The following TBL1X variants were observed in gnomAD, a reference collection of about 807,000 sequenced individuals.
The protein encoded by TBL1X is transducin beta like 1 X-linked, also known as F-box-like/WD repeat-containing protein TBL1X.
Under a neutral mutation model 50.7 loss-of-function variants are expected in TBL1X, and 10 were observed. That is an observed-to-expected ratio of 0.20 (90% CI 0.12 to 0.33). The LOEUF (loss-of-function observed/expected upper bound fraction) is 0.33. Ranked by LOEUF, TBL1X falls within the 10% of genes least tolerant of loss-of-function variation. The pLI is 1.00. For missense variants in TBL1X, 340 were observed against 504.4 expected, an observed-to-expected ratio of 0.67 and a Z score of 3.12; for synonymous variants, 190 against 214.7, an observed-to-expected ratio of 0.88 and a Z score of 1.01.
rs761407675 is a variant in TBL1X at position 9,718,463 on chromosome X, C to T, written c.*2217C>T. On this transcript the variant is annotated 3_prime_UTR_variant, in exon 18 of 18. Transcript: ENST00000645353. The stretch of plus-strand genomic sequence containing the variant: ...GTCACAGTGATGTGGAGTCGCCGCA[C>T]CCATCTTTGAAGATAGCCAGTGTCC... 8.9e-6 allele frequency: 1 copy of T among 111,856 alleles called. No individual in the cohort carries two copies. The highest frequency in any genetic ancestry group is 2.8e-4 in the East Asian group (1 of 3,532). 9.2% of individuals were successfully genotyped at this position (111,856 alleles called of 1,213,427 possible). A position where few individuals can be genotyped will look rare whatever the true frequency, so the allele number is the denominator to read the frequency against.
intron 1 of TBL1X, among the ~76,000 whole-genome samples, chrX:9,467,162 A>T (rs11798141): frequency 8.9e-6 from 1 of 111,821 alleles, no homozygotes; most frequent in Non-Finnish European, 1.9e-5. Context: ...GGTTCTGTAC[A>T]ACATCATCTT....
intron 1 of TBL1X, among the ~76,000 whole-genome samples, chrX:9,471,200 T>G (rs2081812473): frequency 8.9e-6 from 1 of 112,606 alleles, no homozygotes; most frequent in South Asian, 3.6e-4. Context: ...TGCTAACCTG[T>G]GTTTTACTCT....
At chrX:9,633,934 G>T (rs1481880848) in intron 2 of TBL1X, among the ~76,000 whole-genome samples, 2 of 111,374 alleles carry the variant, frequency 1.8e-5, no homozygotes, top group Non-Finnish European at 3.8e-5. Context: ...GGATAGAGGG[G>T]TTCACAGGAT....
chrX:9,523,985 T>TG (rs1219188585), intron 2 of TBL1X, among the ~76,000 whole-genome samples: 4 of 94,836 alleles, frequency 4.2e-5, no homozygotes, highest in Admixed American at 3.4e-4. Context: ...TTTTTTTTTT[T>TG]TAGACAGAGT....
At chrX:9,693,687 A>G (rs977804592) in intron 11 of TBL1X, among the ~76,000 whole-genome samples, 4 of 111,388 alleles carry the variant, frequency 3.6e-5, no homozygotes, top group Non-Finnish European at 7.5e-5. Context: ...AGAGAGGACA[A>G]TCTCCACATT....
At chrX:9,493,407 G>A (rs964274417) in intron 1 of TBL1X, among the ~76,000 whole-genome samples, 2 of 111,442 alleles carry the variant, frequency 1.8e-5, no homozygotes, top group African/African-American at 6.5e-5. Context: ...TGGAAATTGG[G>A]GTTATGTAAG....
At chrX:9,507,261 A>G (rs1053532103) in intron 2 of TBL1X, among the ~76,000 whole-genome samples, 5 of 112,355 alleles carry the variant, frequency 4.5e-5, no homozygotes, top group South Asian at 3.7e-4. Context: ...TACAAAATCA[A>G]TGTGCAAAAA....
Position 9,709,755 on chromosome X carries a change from G to A in TBL1X, c.1434G>A (p.Leu478=), listed in dbSNP as rs1357946711. The change falls in exon 15 of 18, where the codon TTG becomes TTA. Residue 478 remains leucine (L), a synonymous_variant. Coordinates refer to ENST00000645353, the MANE Select transcript of TBL1X (RefSeq NM_005647.4). The part of the protein sequence containing the change: ...ATSNPNSNIM[L]ASASFDSTVR... ...GCAACCCAAACTCCAACATCATGTT[G>A]GCAAGGTAAGGGCAGGCAACACAGC... 3 of 1,207,373 alleles carry A rather than the reference G, an allele frequency of 2.5e-6. No individual in the cohort carries two copies. In the African/African-American group the frequency reaches 5.2e-5, roughly 21 times the overall value.
intron 2 of TBL1X, among the ~76,000 whole-genome samples, chrX:9,555,956 G>C (rs2082295601): frequency 4.5e-5 from 5 of 111,410 alleles, no homozygotes; most frequent in South Asian, 3.8e-4. Flanking sequence ...GGGAGGCTGA[G>C]GTGGGAGGAT....
intron 2 of TBL1X, among the ~76,000 whole-genome samples, chrX:9,587,822 C>T (rs1387164073): frequency 2.0e-5 from 2 of 100,768 alleles, no homozygotes; most frequent in East Asian, 3.2e-4. Context: ...CCCCTGCCAC[C>T]GTGCATTCTG....
intron 2 of TBL1X, among the ~76,000 whole-genome samples, chrX:9,591,346 A>C: frequency 8.9e-6 from 1 of 112,108 alleles, no homozygotes; most frequent in Middle Eastern, 4.6e-3. Context: ...GTTCACTTGC[A>C]CAGCCTCCTG....
chrX:9,625,753 G>A (rs12009183), intron 2 of TBL1X, among the ~76,000 whole-genome samples: 14,488 of 111,138 alleles, frequency 0.13, 1,498 homozygotes, highest in African/African-American at 0.35. Flanking sequence ...CCTGGCCAAG[G>A]TGGTGAAACC....
At chrX:9,474,959 C>T (rs1366051441) in intron 1 of TBL1X, among the ~76,000 whole-genome samples, 3 of 111,760 alleles carry the variant, frequency 2.7e-5, no homozygotes, top group Non-Finnish European at 5.6e-5. Context: ...CTGCAACCTC[C>T]GCCTCCTGGG....
chrX:9,568,951 G>C (rs1351111806), intron 2 of TBL1X, among the ~76,000 whole-genome samples: 1 of 109,300 alleles, frequency 9.1e-6, no homozygotes, highest in Non-Finnish European at 1.9e-5. Flanking sequence ...ACGGTGCACT[G>C]TGTGTGTTGT....
chrX:9,551,259 A>T lies in TBL1X; in HGVS notation c.-131+49410A>T, dbSNP rs918386230. ...GTACCTTGTCAGCATGGAGAGGGGGAGGTCAGTTATGAGGAGGCCCTTTTG... is the reference window on the plus strand; with the variant it reads ...GTACCTTGTCAGCATGGAGAGGGGGTGGTCAGTTATGAGGAGGCCCTTTTG... On this transcript the variant is annotated intron_variant, in intron 2 of 17. Coordinates refer to ENST00000645353, the MANE Select transcript of TBL1X (RefSeq NM_005647.4). 2.8e-5 allele frequency among the ~76,000 whole-genome samples: 3 copies of T among 108,423 alleles called. No homozygotes were observed. In the Admixed American group the frequency reaches 3.0e-4, roughly 11 times the overall value. The allele number at this position is 108,423 out of a possible 115,157, so 94.2% of individuals were successfully genotyped here.
chrX:9,564,374 G>T (rs2082338139), intron 2 of TBL1X, among the ~76,000 whole-genome samples: 1 of 111,746 alleles, frequency 8.9e-6, no homozygotes, highest in Admixed American at 9.5e-5. Flanking sequence ...AGAGGCAGAA[G>T]GAATTCTCAA....
chrX:9,466,945 C>T (rs1383184774), intron 1 of TBL1X, among the ~76,000 whole-genome samples: 1 of 112,039 alleles, frequency 8.9e-6, no homozygotes, highest in African/African-American at 3.2e-5. Flanking sequence ...GAACACACAC[C>T]TGTAGGGCAA....
At chrX:9,645,880 A>G (rs1379956568) in intron 3 of TBL1X, among the ~76,000 whole-genome samples, 1 of 111,741 alleles carries the variant, frequency 8.9e-6, no homozygotes, top group Non-Finnish European at 1.9e-5. Flanking sequence ...GCCCCCTGCC[A>G]CCCAATTTGG....
intron 6 of TBL1X, among the ~76,000 whole-genome samples, chrX:9,686,303 G>T (rs776901872): frequency 3.6e-5 from 4 of 112,023 alleles, no homozygotes; most frequent in African/African-American, 1.3e-4. Context: ...CCTCTCATCT[G>T]TTGAGAAGCC....
Sources: allele counts gnomAD v4.1 joint callset (sites outside exome capture counted in the v4.1 genomes callset), GRCh38; gene constraint gnomAD v4.1.1; transcripts MANE v1.5; gene names NCBI Gene and HGNC (gene_info 2026-07-23, HGNC 2026-07-21).